CFH: variants seen among roughly 807,000 people sequenced by gnomAD.
The protein encoded by CFH is complement factor H.
In CFH, 53 loss-of-function variants were observed where a neutral mutation model predicts 147.3. The ratio of observed to expected loss-of-function variants is 0.36; its 90% CI spans 0.29 to 0.45. The LOEUF (loss-of-function observed/expected upper bound fraction) is 0.45. CFH is among the 20% of genes least tolerant of loss of function. The pLI is 1.00. For synonymous variants in CFH, 536 were observed against 489.4 expected, an observed-to-expected ratio of 1.10 and a Z score of -1.26; for missense variants, 1,380 against 1,498.0, an observed-to-expected ratio of 0.92 and a Z score of 1.30.
At chr1:196,670,957 A>AT (rs1010242745) in intron 1 of CFH, among the ~76,000 whole-genome samples, 3 of 151,872 alleles carry the variant, frequency 2.0e-5, no homozygotes, top group African/African-American at 7.3e-5. Context: ...TACACCACAC[A>AT]TTTTTTTATA....
At chr1:196,664,112 G>T (rs1666997490) in intron 1 of CFH, among the ~76,000 whole-genome samples, 1 of 152,022 alleles carries the variant, frequency 6.6e-6, no homozygotes, top group African/African-American at 2.4e-5. Context: ...CTGGAGTGCG[G>T]TGACATGATC....
intron 9 of CFH, among the ~76,000 whole-genome samples, chr1:196,712,378 T>C (rs955603420): frequency 1.3e-5 from 2 of 151,342 alleles, no homozygotes; most frequent in African/African-American, 4.8e-5. Flanking sequence ...TAAATAATAA[T>C]TTATTTTCAG....
At chr1:196,710,091 CA>C (rs1668690275) in intron 9 of CFH, among the ~76,000 whole-genome samples, 1 of 152,040 alleles carries the variant, frequency 6.6e-6, no homozygotes, top group African/African-American at 2.4e-5. Context: ...AAGAGCCCAG[CA>C]AAAAGCTGAC....
In CFH at chr1:196,711,847, G is replaced by C. The variant is rs114849398; in HGVS notation, c.1337-1888G>C. 7.8e-3 allele frequency among the ~76,000 whole-genome samples: 1,193 copies of C among 151,982 alleles called. 8 individuals carry two copies. Among genetic ancestry groups the C allele is most frequent in the Middle Eastern group, 0.02 (6 of 294 alleles). On this transcript the variant is annotated intron_variant, in intron 9 of 21. Transcript: ENST00000367429. ...ATAGGTATCCTTTGTCCATTCTTGG[G>C]GAGTTTTGCTCTACTCTCCAGAGTG... is the stretch of plus-strand genomic sequence containing the variant.
intron 1 of CFH, among the ~76,000 whole-genome samples, chr1:196,670,279 G>A (rs141226217): frequency 1.2e-4 from 19 of 152,226 alleles, no homozygotes; most frequent in African/African-American, 4.6e-4. Context: ...TTAAGACTTG[G>A]GGGGACTGTT....
At chr1:196,672,931 A>G (rs755601507) in intron 1 of CFH, 47 bp from the exon 2 acceptor site, 4 of 1,513,720 alleles carry the variant, frequency 2.6e-6, no homozygotes, top group East Asian at 4.6e-5. Flanking sequence ...TATACTGTAC[A>G]TTTAAATAGA....
chr1:196,724,113 C>A (rs1669069154), intron 11 of CFH, among the ~76,000 whole-genome samples: 1 of 152,028 alleles, frequency 6.6e-6, no homozygotes, highest in African/African-American at 2.4e-5. Flanking sequence ...ATGCTACAGT[C>A]TTCTTTGCCA....
intron 1 of CFH, among the ~76,000 whole-genome samples, chr1:196,669,344 G>A (rs1051287174): frequency 2.6e-5 from 4 of 152,198 alleles, no homozygotes; most frequent in African/African-American, 9.6e-5. Context: ...GGAGCCAAAT[G>A]TTAATCACCA....
chr1:196,739,519 A>C (rs1652729587), intron 17 of CFH, among the ~76,000 whole-genome samples: 1 of 151,800 alleles, frequency 6.6e-6, no homozygotes. Flanking sequence ...AGTGACCTTT[A>C]CTCCAGTTTC....
chr1:196,700,785 G>C, intron 9 of CFH: 3 of 982,398 alleles, frequency 3.1e-6, no homozygotes, highest in Non-Finnish European at 1.2e-6. Flanking sequence ...GCTTAGTTAT[G>C]ATGAACTAAG....
At chr1:196,654,713 A>C (rs1666626104) in intron 1 of CFH, among the ~76,000 whole-genome samples, 1 of 151,646 alleles carries the variant, frequency 6.6e-6, no homozygotes, top group African/African-American at 2.4e-5. Flanking sequence ...TGTTCAAGTA[A>C]ATACTGGCTG....
At chr1:196,735,837 G>A (rs957139330) in intron 15 of CFH, among the ~76,000 whole-genome samples, 5 of 151,902 alleles carry the variant, frequency 3.3e-5, no homozygotes, top group East Asian at 3.9e-4. Flanking sequence ...AAGAAAACTC[G>A]ACATTATCAA....
At chr1:196,714,778 G>A (rs1279512837) in intron 10 of CFH, among the ~76,000 whole-genome samples, 1 of 145,452 alleles carries the variant, frequency 6.9e-6, no homozygotes, top group Non-Finnish European at 1.5e-5. Context: ...TTGGCTCACT[G>A]CAACCTCCAT....
intron 10 of CFH, among the ~76,000 whole-genome samples, chr1:196,714,668 TAGAGAGAGAGAGAGAGAGAGAGAGAG>T (rs1205328020): frequency 9.4e-5 from 2 of 21,306 alleles, no homozygotes; most frequent in Non-Finnish European, 1.7e-4. Flanking sequence ...TATATATATA[TAGAGAGAGAGAGAGAGAGAGAGAGAG>T]AGAGAGAGAG....
intron 18 of CFH, 111 bp downstream of exon 18, chr1:196,740,903 G>C (rs1652788511): frequency 5.4e-6 from 6 of 1,107,724 alleles, no homozygotes; most frequent in Non-Finnish European, 6.8e-6. Context: ...AGGTTTTCTT[G>C]AATATTCTGG....
chr1:196,655,729 G>A (rs534589777), intron 1 of CFH, among the ~76,000 whole-genome samples: 3 of 152,106 alleles, frequency 2.0e-5, no homozygotes, highest in South Asian at 2.1e-4. Context: ...AATCTATCCC[G>A]TGCTCAGTTA....
chr1:196,687,418 C>T (rs1667865554), intron 7 of CFH, among the ~76,000 whole-genome samples: 1 of 151,748 alleles, frequency 6.6e-6, no homozygotes, highest in Admixed American at 6.6e-5. Flanking sequence ...AGCTAAATAG[C>T]TCGAGCCTGT....
In CFH at chr1:196,673,034, G is replaced by C; in HGVS notation, c.115G>C (p.Asp39His). 6.2e-7 allele frequency: 1 copy of C among 1,614,050 alleles called. No homozygotes were observed. The stretch of plus-strand genomic sequence containing the variant: ...AGAAATTCTGACAGGTTCCTGGTCT[G>C]ACCAAACATATCCAGAAGGCACCCA... ...NTEILTGSWSDQTYPEGTQAI... is the reference protein window; with the variant it reads ...NTEILTGSWSHQTYPEGTQAI... Residue 39 changes from aspartate to histidine, a missense_variant, in exon 2 of 22, where the codon GAC (aspartate) becomes CAC (histidine). Around this residue, in one of 4 missense-constraint regions of CFH, gnomAD observed 260 missense variants for 263.3 expected, o/e 0.99. Coordinates refer to ENST00000367429, the MANE Select transcript of CFH (RefSeq NM_000186.4).
chr1:196,734,483 C>A (rs752584912), intron 15 of CFH, among the ~76,000 whole-genome samples: 1 of 152,062 alleles, frequency 6.6e-6, no homozygotes, highest in Non-Finnish European at 1.5e-5. Context: ...GATGCTCCCC[C>A]AAAAGCTAGG....
Sources: gnomAD v4.1 joint callset for allele counts (sites outside exome capture counted in the v4.1 genomes callset) on GRCh38, gnomAD v4.1.1 for gene constraint, gnomAD v4.1.1 regional missense constraint, MANE v1.5 for transcripts, NCBI Gene and HGNC (gene_info 2026-07-23, HGNC 2026-07-21) for gene names.